The following HCRTR2 variants were observed in gnomAD, a reference collection of about 807,000 sequenced individuals.
HCRTR2 encodes the protein orexin receptor type 2.
A neutral mutation model predicts 49.0 loss-of-function variants in HCRTR2; 22 were observed. The observed-to-expected ratio is 0.45, with a 90% CI of 0.32 to 0.64. HCRTR2 has a LOEUF of 0.64. Among genes scored for constraint, HCRTR2 ranks in the 30% least tolerant of loss-of-function variants. The pLI, the probability that HCRTR2 is intolerant of heterozygous loss-of-function variation, is 0.04. For synonymous variants in HCRTR2, 236 were observed against 205.3 expected, an observed-to-expected ratio of 1.15 and a Z score of -1.28; for missense variants, 491 against 559.4, an observed-to-expected ratio of 0.88 and a Z score of 1.23.
intron 1 of HCRTR2, among the ~76,000 whole-genome samples, chr6:55,154,378 A>G (rs530530106): frequency 2.1e-4 from 32 of 151,894 alleles, no homozygotes; most frequent in African/African-American, 4.8e-5. Context: ...ATCCTCAGTA[A>G]AATCCTAGCA....
chr6:55,224,881 G>T (rs893546576), intron 1 of HCRTR2, among the ~76,000 whole-genome samples: 3 of 151,934 alleles, frequency 2.0e-5, no homozygotes, highest in African/African-American at 7.3e-5. Flanking sequence ...TTGGGGAAAC[G>T]GTCAAAGAAT....
chr6:55,203,747 C>G (rs1581827259), intron 1 of HCRTR2, among the ~76,000 whole-genome samples: 1 of 151,938 alleles, frequency 6.6e-6, no homozygotes, highest in Admixed American at 6.6e-5. Flanking sequence ...GTGCAAAAGC[C>G]CTGATGTAGA....
At chr6:55,176,069 A>C (rs1765034625) in intron 1 of HCRTR2, among the ~76,000 whole-genome samples, 1 of 152,184 alleles carries the variant, frequency 6.6e-6, no homozygotes, top group South Asian at 2.1e-4. Context: ...GGAAATTATC[A>C]GGCTTTCAGA....
At chr6:55,153,947 G>A (rs921361767) in intron 1 of HCRTR2, among the ~76,000 whole-genome samples, 1 of 151,646 alleles carries the variant, frequency 6.6e-6, no homozygotes, top group Admixed American at 6.6e-5. Flanking sequence ...TGAGACAGGA[G>A]ACATTACAAT....
At chr6:55,197,394 C>T (rs1429410558) in intron 1 of HCRTR2, among the ~76,000 whole-genome samples, 2 of 152,068 alleles carry the variant, frequency 1.3e-5, no homozygotes, top group South Asian at 4.1e-4. Context: ...AAACATAGGC[C>T]CAAATATAAC....
At chr6:55,185,564 G>T (rs1251145612) in intron 1 of HCRTR2, among the ~76,000 whole-genome samples, 1 of 152,168 alleles carries the variant, frequency 6.6e-6, no homozygotes, top group Non-Finnish European at 1.5e-5. Context: ...TGGATGATAT[G>T]AATAATATAA....
chr6:55,277,330 G>A (rs1321632454), intron 4 of HCRTR2, 50 bp from the exon 5 acceptor site: 1 of 1,484,062 alleles, frequency 6.7e-7, no homozygotes, highest in Non-Finnish European at 9.4e-7. Flanking sequence ...CCCCAAAGTG[G>A]AACTTTCCTA....
At chr6:55,115,397 G>T (rs1764101735) in intron 1 of HCRTR2, among the ~76,000 whole-genome samples, 1 of 151,372 alleles carries the variant, frequency 6.6e-6, no homozygotes, top group Non-Finnish European at 1.5e-5. Flanking sequence ...ATTAAATTGG[G>T]CTATTTAATC....
At position 55,259,215 on chromosome 6, in the gene HCRTR2, G is replaced by T. The variant is rs1021296553; in HGVS notation, c.646+3836G>T. 1.2e-4 allele frequency among the ~76,000 whole-genome samples: 11 copies of T among 88,400 alleles called. No individual in the cohort carries two copies. The East Asian group carries it at 2.5e-3, about 20-fold the overall frequency. 58.0% of individuals were successfully genotyped at this position (88,400 alleles called of 152,430 possible). A position where few individuals can be genotyped will look rare whatever the true frequency, so the allele number is the denominator to read the frequency against. On this transcript the variant is annotated intron_variant, in intron 3 of 6. Transcript: ENST00000370862. ...GAATATTACTGACAAATTGTTCTTT[G>T]GTAGGCTAAAAAAAAAAAAATGGAA...
In HCRTR2 at chr6:55,248,452, T is replaced by A. The variant is rs1387567672; in HGVS notation, c.224-187T>A. 2.0e-5 allele frequency among the ~76,000 whole-genome samples: 3 copies of A among 152,072 alleles called. No homozygotes were observed. The South Asian group carries it at 6.2e-4, about 31-fold the overall frequency. ...ATTGAGAAATGTCATGCAAGGTAAA[T>A]GAACTGATTTTAAGCATGTACTTAG... On this transcript the variant is annotated intron_variant, in intron 1 of 6. Coordinates refer to ENST00000370862, the MANE Select transcript of HCRTR2 (RefSeq NM_001384272.1).
chr6:55,139,931 AATACTT>A (rs1764484314), intron 1 of HCRTR2, among the ~76,000 whole-genome samples: 1 of 152,200 alleles, frequency 6.6e-6, no homozygotes, highest in Non-Finnish European at 1.5e-5. Flanking sequence ...ACCTATTTGA[AATACTT>A]ATAGCTGTTG....
At position 55,282,543 on chromosome 6, in the gene HCRTR2, A is replaced by G. The variant is rs200438584; in HGVS notation, c.*89A>G. 3.7e-5 allele frequency: 27 copies of G among 738,498 alleles called. No homozygotes were observed. Among genetic ancestry groups the G allele is most frequent in the Non-Finnish European group, 5.6e-5 (24 of 431,742 alleles). 45.7% of individuals were successfully genotyped at this position (738,498 alleles called of 1,614,324 possible). On this transcript the variant is annotated 3_prime_UTR_variant, in exon 7 of 7. Transcript: ENST00000370862. ...GAAATTTTATTATCCTATGATGTGAAGCTAAAATTACTTGTGGATCTTTTT... is the reference window on the plus strand; with the variant it reads ...GAAATTTTATTATCCTATGATGTGAGGCTAAAATTACTTGTGGATCTTTTT...
chr6:55,268,829 C>A (rs1221650786), intron 4 of HCRTR2, among the ~76,000 whole-genome samples: 7 of 151,792 alleles, frequency 4.6e-5, no homozygotes, highest in African/African-American at 1.7e-4. Context: ...GGTGGCTCAC[C>A]CCTGTAATCC....
At chr6:55,276,231 A>G (rs980672664) in intron 4 of HCRTR2, among the ~76,000 whole-genome samples, 1 of 152,216 alleles carries the variant, frequency 6.6e-6, no homozygotes, top group African/African-American at 2.4e-5. Flanking sequence ...GATATTTTCC[A>G]TTCAAGGGCA....
chr6:55,114,848 T>TA (rs1211950834), intron 1 of HCRTR2, among the ~76,000 whole-genome samples: 2 of 151,774 alleles, frequency 1.3e-5, no homozygotes, highest in African/African-American at 4.8e-5. Flanking sequence ...AGAAGATACT[T>TA]ACCCTAATCA....
At chr6:55,150,712 A>G (rs184895591) in intron 1 of HCRTR2, among the ~76,000 whole-genome samples, 55 of 152,082 alleles carry the variant, frequency 3.6e-4, no homozygotes, top group African/African-American at 1.2e-3. Flanking sequence ...TGTATTTATC[A>G]TATTTTCTTT....
chr6:55,239,404 C>G (rs1262943414), intron 1 of HCRTR2, among the ~76,000 whole-genome samples: 1 of 152,170 alleles, frequency 6.6e-6, no homozygotes, highest in East Asian at 1.9e-4. Flanking sequence ...TGTATTTTTC[C>G]TGTCTGAAGA....
intron 1 of HCRTR2, among the ~76,000 whole-genome samples, chr6:55,227,767 C>G (rs1219559000): frequency 6.6e-6 from 1 of 151,938 alleles, no homozygotes; most frequent in Non-Finnish European, 1.5e-5. Context: ...AAGGAAGAGT[C>G]AATTTCTACT....
chr6:55,132,428 A>G (rs1181537169), intron 1 of HCRTR2, among the ~76,000 whole-genome samples: 2 of 151,914 alleles, frequency 1.3e-5, no homozygotes, highest in African/African-American at 2.4e-5. Context: ...TTGATTATCT[A>G]TATGTGCCAG....
Sources: allele counts gnomAD v4.1 joint callset (sites outside exome capture counted in the v4.1 genomes callset), GRCh38; gene constraint gnomAD v4.1.1; transcripts MANE v1.5; gene names NCBI Gene and HGNC (gene_info 2026-07-23, HGNC 2026-07-21).